Variants in FAM135B observed in about 807,000 individuals in gnomAD.
FAM135B encodes the protein family with sequence similarity 135 member B.
In FAM135B, 43 loss-of-function variants were observed where a neutral mutation model predicts 127.7. That is an observed-to-expected ratio of 0.34 (90% CI 0.26 to 0.43). The LOEUF (loss-of-function observed/expected upper bound fraction) is 0.43, where lower values mean the gene tolerates loss of function less well. Ranked by LOEUF, FAM135B falls within the 20% of genes least tolerant of loss-of-function variation. FAM135B has a pLI of 1.00. For missense variants in FAM135B, 1,558 were observed against 1,725.6 expected, an observed-to-expected ratio of 0.90 and a Z score of 1.72; for synonymous variants, 670 against 665.1, an observed-to-expected ratio of 1.01 and a Z score of -0.11.
chr8:138,300,463 A>G (rs199753052), intron 3 of FAM135B, among the ~76,000 whole-genome samples: 14 of 152,090 alleles, frequency 9.2e-5, no homozygotes, highest in East Asian at 7.7e-4. Flanking sequence ...CCAGCACCCA[A>G]TGAAAATGCA....
chr8:138,413,719 G>C (rs1400722461), intron 1 of FAM135B, among the ~76,000 whole-genome samples: 1 of 151,804 alleles, frequency 6.6e-6, no homozygotes, highest in Non-Finnish European at 1.5e-5. Flanking sequence ...TTGAAAGTTA[G>C]GGTGACTGGA....
rs527267067 is a variant in FAM135B, at chr8:138,426,028, T to TAC, written c.-19-58028_-19-58027dup. On this transcript the variant is annotated intron_variant, in intron 1 of 19. Transcript: ENST00000395297. ...ATATATATATACACACACATACATA[T>TAC]ACACACACACACACACACACACATA... Among the ~76,000 whole-genome samples the TAC allele has an allele frequency of 9.1e-3, 389 of 42,960 alleles. 11 individuals are homozygous for TAC. Among genetic ancestry groups the TAC allele is most frequent in the African/African-American group, 0.017 (166 of 10,020 alleles). 28.2% of individuals were successfully genotyped at this position (42,960 alleles called of 152,430 possible). A position where few individuals can be genotyped will look rare whatever the true frequency, so the allele number is the denominator to read the frequency against.
intron 1 of FAM135B, among the ~76,000 whole-genome samples, chr8:138,414,119 C>CATATATATATATATATATATAT (rs60918986): frequency 0.036 from 4,472 of 123,532 alleles, 164 homozygotes; most frequent in Middle Eastern, 0.046. Context: ...CACACAAATA[C>CATATATATATATATATATATAT]ATATATATAT....
chr8:138,318,307 CAACT>C (rs1373747890), intron 2 of FAM135B, among the ~76,000 whole-genome samples: 1 of 152,184 alleles, frequency 6.6e-6, no homozygotes, highest in Non-Finnish European at 1.5e-5. Flanking sequence ...GCACCGCCAC[CAACT>C]GTCACATTGT....
intron 2 of FAM135B, among the ~76,000 whole-genome samples, chr8:138,350,093 T>C (rs1829675908): frequency 6.6e-6 from 1 of 152,156 alleles, no homozygotes; most frequent in African/African-American, 2.4e-5. Context: ...AAGACTACAC[T>C]CAGTCACTCT....
intron 1 of FAM135B, among the ~76,000 whole-genome samples, chr8:138,372,458 C>A (rs16908987): frequency 6.6e-6 from 1 of 152,172 alleles, no homozygotes; most frequent in Non-Finnish European, 1.5e-5. Context: ...CTTGTGGACA[C>A]TGGAGAGAAC....
intron 2 of FAM135B, 125 bp from the exon 3 acceptor site, chr8:138,311,045 C>T: frequency 1.5e-6 from 1 of 665,058 alleles, no homozygotes; most frequent in Non-Finnish European, 2.6e-6. Context: ...CATGCACAAT[C>T]ATCTGGCATC....
chr8:138,173,625 C>T lies in FAM135B; in HGVS notation c.1103+3722G>A, dbSNP rs114102292. Among the ~76,000 whole-genome samples, 821 of 152,260 alleles carry T rather than the reference C, an allele frequency of 5.4e-3. 6 individuals carry two copies. The highest frequency in any genetic ancestry group is 0.018 in the African/African-American group (750 of 41,572). ...AGAGTAGTTTCAATAGACTAAGCAC[C>T]ATGAATAAATGCCTATTTATTGGCA... On this transcript the variant is annotated intron_variant, in intron 11 of 19. Transcript: ENST00000395297.
rs556495918 is a variant in FAM135B, at chr8:138,309,234, T to C, written c.157+1607A>G. ...GTGGACATCAGGGACCTTCTTCTGTTGGAAGGTAGGGTGGGGAAGGGGTGA... is the reference window on the plus strand; with the variant it reads ...GTGGACATCAGGGACCTTCTTCTGTCGGAAGGTAGGGTGGGGAAGGGGTGA... On this transcript the variant is annotated intron_variant, in intron 3 of 19. Transcript: ENST00000395297. 2.4e-3 allele frequency among the ~76,000 whole-genome samples: 363 copies of C among 152,092 alleles called. 2 individuals are homozygous for C. The highest frequency in any genetic ancestry group is 8.3e-3 in the African/African-American group (344 of 41,506).
At chr8:138,217,140 C>G (rs926539148) in intron 7 of FAM135B, among the ~76,000 whole-genome samples, 2 of 152,204 alleles carry the variant, frequency 1.3e-5, no homozygotes, top group African/African-American at 4.8e-5. Flanking sequence ...TCACCATTAT[C>G]TAATGCCTGA....
intron 1 of FAM135B, among the ~76,000 whole-genome samples, chr8:138,410,673 T>C (rs1405162313): frequency 6.6e-6 from 1 of 152,194 alleles, no homozygotes; most frequent in Non-Finnish European, 1.5e-5. Context: ...CATTCGCTCA[T>C]ACACTGCTGG....
chr8:138,336,992 A>G (rs992663292), intron 2 of FAM135B, among the ~76,000 whole-genome samples: 2 of 152,228 alleles, frequency 1.3e-5, no homozygotes, highest in Non-Finnish European at 2.9e-5. Flanking sequence ...TATAAACAGA[A>G]CCAAAGACAA....
intron 2 of FAM135B, among the ~76,000 whole-genome samples, chr8:138,338,525 G>T (rs1172375630): frequency 6.6e-6 from 1 of 151,724 alleles, no homozygotes; most frequent in Non-Finnish European, 1.5e-5. Flanking sequence ...ATCATCACTG[G>T]CCATCAGAGA....
intron 7 of FAM135B, among the ~76,000 whole-genome samples, chr8:138,240,644 G>C (rs1043732905): frequency 1.3e-5 from 2 of 152,198 alleles, no homozygotes; most frequent in African/African-American, 4.8e-5. Context: ...CAGCCACTCA[G>C]AGCCCAGTGG....
At chr8:138,312,225 A>G (rs1200498055) in intron 2 of FAM135B, among the ~76,000 whole-genome samples, 2 of 152,172 alleles carry the variant, frequency 1.3e-5, no homozygotes, top group Non-Finnish European at 2.9e-5. Flanking sequence ...GATTACAGAC[A>G]TAAGCCACCA....
At chr8:138,452,402 T>A (rs984092547) in intron 1 of FAM135B, among the ~76,000 whole-genome samples, 2 of 152,082 alleles carry the variant, frequency 1.3e-5, no homozygotes, top group Admixed American at 1.3e-4. Context: ...ATTACAGGCA[T>A]GAGCCACCTC....
intron 1 of FAM135B, among the ~76,000 whole-genome samples, chr8:138,484,485 A>G (rs1260553439): frequency 6.6e-6 from 1 of 152,218 alleles, no homozygotes; most frequent in East Asian, 1.9e-4. Context: ...CGACTGTGTG[A>G]CTGTGAACAG....
chr8:138,322,539 C>T (rs185197682), intron 2 of FAM135B, among the ~76,000 whole-genome samples: 8 of 152,334 alleles, frequency 5.3e-5, no homozygotes, highest in Admixed American at 1.3e-4. Flanking sequence ...ATGACAGAAT[C>T]AGCAATAATG....
chr8:138,444,649 G>T (rs1208214367), intron 1 of FAM135B, among the ~76,000 whole-genome samples: 1 of 152,114 alleles, frequency 6.6e-6, no homozygotes, highest in Non-Finnish European at 1.5e-5. Flanking sequence ...CACATTTAAA[G>T]CAGTGTGTAG....
Sources: gnomAD v4.1 joint callset for allele counts (sites outside exome capture counted in the v4.1 genomes callset) on GRCh38, gnomAD v4.1.1 for gene constraint, MANE v1.5 for transcripts, NCBI Gene and HGNC (gene_info 2026-07-23, HGNC 2026-07-21) for gene names.